Variants in OGA observed in about 807,000 individuals in gnomAD.
OGA encodes the protein protein O-GlcNAcase.
A neutral mutation model predicts 102.0 loss-of-function variants in OGA; 21 were observed. The ratio of observed to expected loss-of-function variants is 0.21; its 90% confidence interval spans 0.15 to 0.30. The LOEUF (loss-of-function observed/expected upper bound fraction) is 0.30, where lower values mean the gene tolerates loss of function less well. Among genes scored for constraint, OGA ranks in the 10% least tolerant of loss-of-function variants. OGA has a pLI of 1.00. For missense variants in OGA, 765 were observed against 1,107.8 expected, an observed-to-expected ratio of 0.69 and a Z score of 4.39; for synonymous variants, 408 against 378.2, an observed-to-expected ratio of 1.08 and a Z score of -0.91.
At chr10:101,789,341 A>T (rs1468273327) in intron 14 of OGA, among the ~76,000 whole-genome samples, 1 of 152,170 alleles carries the variant, frequency 6.6e-6, no homozygotes, top group Non-Finnish European at 1.5e-5. Flanking sequence ...TCTATTAAAA[A>T]TATAAAATTA....
At chr10:101,817,109 C>T (rs1176734900) in intron 1 of OGA, among the ~76,000 whole-genome samples, 1 of 152,222 alleles carries the variant, frequency 6.6e-6, no homozygotes, top group East Asian at 1.9e-4. Flanking sequence ...AATTTTCCCT[C>T]ACTACCAAAA....
In OGA at chr10:101,813,943, C is replaced by A. The variant is rs1437005892; in HGVS notation, c.200-337G>T. 1.1e-3 allele frequency among the ~76,000 whole-genome samples: 168 copies of A among 152,198 alleles called. 1 individual carries two copies. The highest frequency in any genetic ancestry group is 1.9e-4 in the Non-Finnish European group (13 of 68,028). ...ATTTAATTCCAATTTTTTAAGAGAT[C>A]TCAATCTTATAATGGGGAACGGCAG... is the stretch of plus-strand genomic sequence containing the variant. On this transcript the variant is annotated intron_variant, in intron 1 of 15. Coordinates refer to ENST00000361464, the MANE Select transcript of OGA (RefSeq NM_012215.5).
intron 9 of OGA, among the ~76,000 whole-genome samples, chr10:101,798,536 C>A (rs2065347944): frequency 1.3e-5 from 2 of 151,756 alleles, no homozygotes; most frequent in Admixed American, 1.3e-4. Context: ...GCCTCAGCCT[C>A]CTGAGTAGCT....
chr10:101,790,265 GTT>G (rs869235919), intron 14 of OGA, among the ~76,000 whole-genome samples: 292 of 86,374 alleles, frequency 3.4e-3, no homozygotes, highest in African/African-American at 7.7e-3. Context: ...ATAATATCTT[GTT>G]TTTTTTTTTT....
At chr10:101,813,862 T>C (rs969519092) in intron 1 of OGA, among the ~76,000 whole-genome samples, 9 of 152,372 alleles carry the variant, frequency 5.9e-5, no homozygotes, top group East Asian at 1.9e-4. Context: ...ACTTAGGTGA[T>C]AGTTATTTTA....
At chr10:101,811,176 G>A (rs2065550156) in intron 3 of OGA, among the ~76,000 whole-genome samples, 1 of 151,866 alleles carries the variant, frequency 6.6e-6, no homozygotes, top group African/African-American at 2.4e-5. Context: ...ACTGCCTGAG[G>A]TCAGGAGTTT....
At chr10:101,805,897 G>A in intron 6 of OGA, 148 bp downstream of exon 6, 1 of 561,378 alleles carries the variant, frequency 1.8e-6, no homozygotes, top group Non-Finnish European at 3.2e-6. Context: ...GGAGCGTGCA[G>A]TGAGCCGAGA....
chr10:101,813,777 G>A (rs2065587225), intron 1 of OGA, among the ~76,000 whole-genome samples, 171 bp from the exon 2 acceptor site: 1 of 152,174 alleles, frequency 6.6e-6, no homozygotes, highest in Non-Finnish European at 1.5e-5. Flanking sequence ...TCTTTGGGTG[G>A]TGACGTTACA....
At chr10:101,807,571 T>C (rs2065492584) in intron 5 of OGA, among the ~76,000 whole-genome samples, 159 bp downstream of exon 5, 1 of 152,220 alleles carries the variant, frequency 6.6e-6, no homozygotes, top group Admixed American at 6.5e-5. Context: ...TTCCTAAAAT[T>C]TCTCCAATTT....
intron 4 of OGA, among the ~76,000 whole-genome samples, chr10:101,808,609 G>A (rs2065506389): frequency 6.6e-6 from 1 of 152,044 alleles, no homozygotes; most frequent in Non-Finnish European, 1.5e-5. Flanking sequence ...ACATTTTAAT[G>A]CCACCCATAT....
In OGA at chr10:101,785,080, A is replaced by G. The variant is rs1217024839; in HGVS notation, c.*1371T>C. Reference sequence around the variant, plus strand: ...TCTTTCTCTTTACCCCTCTCCCCTCACTCAGCTCAAAGTTAAACAGCTGAT... The same window carrying G: ...TCTTTCTCTTTACCCCTCTCCCCTCGCTCAGCTCAAAGTTAAACAGCTGAT... On this transcript the variant is annotated 3_prime_UTR_variant, in exon 16 of 16. Transcript: ENST00000361464. The G allele has an allele frequency of 2.0e-5, 3 of 152,142 alleles. No homozygotes were observed. Among genetic ancestry groups the G allele is most frequent in the Non-Finnish European group, 1.5e-5 (1 of 68,020 alleles). The allele number at this position is 152,142 out of a possible 1,614,324, so 9.4% of individuals were successfully genotyped here. A position where few individuals can be genotyped will look rare whatever the true frequency, so the allele number is the denominator to read the frequency against.
chr10:101,803,659 G>A, intron 7 of OGA, 76 bp downstream of exon 7: 2 of 1,357,524 alleles, frequency 1.5e-6, no homozygotes, highest in South Asian at 2.7e-5. Flanking sequence ...GATGACAAAG[G>A]AATGCATACT....
intron 14 of OGA, among the ~76,000 whole-genome samples, chr10:101,788,164 C>G (rs890853022): frequency 6.8e-6 from 1 of 147,338 alleles, no homozygotes; most frequent in Non-Finnish European, 1.5e-5. Context: ...TGGGTTGGGT[C>G]TAGTAGCTCA....
chr10:101,789,270 G>A (rs1459608254), intron 14 of OGA, among the ~76,000 whole-genome samples: 1 of 152,158 alleles, frequency 6.6e-6, no homozygotes, highest in Non-Finnish European at 1.5e-5. Context: ...AGGCTGAGGA[G>A]GGCGGATCAC....
intron 10 of OGA, among the ~76,000 whole-genome samples, chr10:101,794,588 A>C (rs2065294646): frequency 1.3e-5 from 2 of 152,252 alleles, no homozygotes; most frequent in African/African-American, 4.8e-5. Flanking sequence ...TTGGCTAATA[A>C]TACCAGTCTG....
intron 10 of OGA, among the ~76,000 whole-genome samples, chr10:101,796,795 C>T (rs1238783872): frequency 6.6e-6 from 1 of 151,848 alleles, no homozygotes; most frequent in Non-Finnish European, 1.5e-5. Flanking sequence ...TGCTGGTTTT[C>T]ACCAGGCTGG....
At chr10:101,806,449 G>A (rs373457730) in intron 5 of OGA, among the ~76,000 whole-genome samples, 1 of 152,112 alleles carries the variant, frequency 6.6e-6, no homozygotes, top group Non-Finnish European at 1.5e-5. Flanking sequence ...CAGGCAATCC[G>A]CCCGCCTTGG....
At chr10:101,814,910 G>T (rs2065602537) in intron 1 of OGA, among the ~76,000 whole-genome samples, 1 of 152,176 alleles carries the variant, frequency 6.6e-6, no homozygotes. Flanking sequence ...CTGGTATCTG[G>T]AACTCCCTAG....
chr10:101,789,425 G>C (rs1324814413), intron 14 of OGA, among the ~76,000 whole-genome samples: 1 of 152,170 alleles, frequency 6.6e-6, no homozygotes, highest in Non-Finnish European at 1.5e-5. Context: ...TTGAGCCTGA[G>C]AGGTGGAGGT....
Sources: allele counts gnomAD v4.1 joint callset (sites outside exome capture counted in the v4.1 genomes callset), GRCh38; gene constraint gnomAD v4.1.1; transcripts MANE v1.5; gene names NCBI Gene and HGNC (gene_info 2026-07-23, HGNC 2026-07-21).